The following GSDME variants were observed in gnomAD, a reference collection of about 807,000 sequenced individuals.
GSDME encodes gasdermin-E.
In GSDME, 44 loss-of-function variants were observed where a neutral mutation model predicts 47.5. The ratio of observed to expected loss-of-function variants is 0.93; its 90% CI spans 0.73 to 1.19. The LOEUF is 1.19. Among genes scored for constraint, GSDME ranks in the 50% most tolerant of loss-of-function variants. The pLI, the probability that GSDME is intolerant of heterozygous loss-of-function variation, is 0.00. For synonymous variants in GSDME, 258 were observed against 252.8 expected (o/e 1.02, Z -0.20); for missense variants, 663 against 604.2 (o/e 1.10, Z -1.02).
the GSDME span, among the ~76,000 whole-genome samples, chr7:24,778,951 T>C: frequency 6.6e-6 from 1 of 152,172 alleles, no homozygotes; most frequent in African/African-American, 2.4e-5. This position sits in a 1 kb window ranked among gnomAD's most constrained non-coding sequence, Gnocchi z 5.6. Flanking sequence ...CTCAAACACC[T>C]GCCATACCCC....
intron 3 of GSDME, among the ~76,000 whole-genome samples, chr7:24,722,799 G>A (rs1367069293): frequency 1.3e-5 from 2 of 152,208 alleles, no homozygotes; most frequent in Non-Finnish European, 2.9e-5. Flanking sequence ...AAAAGAGAGG[G>A]GCAGCCATCT....
chr7:24,726,952 G>C lies in GSDME; in HGVS notation c.405-7734C>G, dbSNP rs1789990215. Among the ~76,000 whole-genome samples, 1 of 152,132 alleles carries C rather than the reference G, an allele frequency of 6.6e-6. No homozygotes were observed. Among genetic ancestry groups the C allele is most frequent in the South Asian group, 2.1e-4 (1 of 4,822 alleles). The stretch of plus-strand genomic sequence containing the variant: ...CTGCTGTGGAGAAATTATAAAACTA[G>C]AAGGGACCCAAGGGGATTATCTAGC... On this transcript the variant is annotated intron_variant, in intron 3 of 9. Transcript: ENST00000645220. This position sits in a 1 kb window ranked among gnomAD's most constrained non-coding sequence, Gnocchi z 5.6.
At chr7:24,781,469 C>T in the GSDME span, among the ~76,000 whole-genome samples, 1 of 151,794 alleles carries the variant, frequency 6.6e-6, no homozygotes, top group Non-Finnish European at 1.5e-5. Flanking sequence ...ACCTCATTCT[C>T]CACTAGGCAC....
chr7:24,737,208 A>C (rs755301167), intron 3 of GSDME, among the ~76,000 whole-genome samples: 5 of 152,064 alleles, frequency 3.3e-5, no homozygotes, highest in Non-Finnish European at 5.9e-5. Flanking sequence ...TTAATGAAAC[A>C]AAAGTTTGTT....
intron 2 of GSDME, among the ~76,000 whole-genome samples, chr7:24,746,355 AT>A (rs1365801324): frequency 2.0e-5 from 3 of 152,202 alleles, no homozygotes. Flanking sequence ...AACCGGGAGA[AT>A]TTGGGTAACA....
At chr7:24,703,194 G>T (rs1332074948) in intron 8 of GSDME, 2 of 350,032 alleles carry the variant, frequency 5.7e-6, no homozygotes, top group Non-Finnish European at 1.1e-5. Context: ...CACACATTCA[G>T]GCTGCAGCCT....
chr7:24,758,527 G>A (rs2128069960), upstream of GSDME, among the ~76,000 whole-genome samples: 1 of 152,340 alleles, frequency 6.6e-6, no homozygotes, highest in East Asian at 1.9e-4. The surrounding 1 kb of genome is among the most constrained non-coding windows in gnomAD (Gnocchi z 4.6). Flanking sequence ...TGAGAGCAAA[G>A]AGTAAGAGAA....
intron 2 of GSDME, among the ~76,000 whole-genome samples, chr7:24,746,098 A>G (rs1790658685): frequency 6.6e-6 from 1 of 152,202 alleles, no homozygotes; most frequent in Non-Finnish European, 1.5e-5. Flanking sequence ...ACTGCAATCA[A>G]GAAAACCCAC....
chr7:24,707,459 T>G (rs1383358011), intron 7 of GSDME: 2 of 471,354 alleles, frequency 4.2e-6, no homozygotes. Context: ...GCCTATTTAT[T>G]TCTCTGTTCT....
chr7:24,709,057 A>C (rs371532365), intron 6 of GSDME, among the ~76,000 whole-genome samples: 2 of 152,248 alleles, frequency 1.3e-5, no homozygotes, highest in African/African-American at 2.4e-5. Context: ...GACGATTCCA[A>C]CTAGCAGTTG....
rs1789303924 is a variant in GSDME, at chr7:24,710,361, C to T, written c.725G>A (p.Gly242Asp). 1 of 1,614,108 alleles carries T rather than the reference C, an allele frequency of 6.2e-7. No homozygotes were observed. The highest frequency in any genetic ancestry group is 8.5e-7 in the Non-Finnish European group (1 of 1,180,052). The change falls in exon 6 of 10, where the codon GGT becomes GAT. Residue 242 changes from glycine to aspartate, a missense_variant. Physicochemically the swap from Gly to Asp is moderately conservative, Grantham distance 94. Transcript: ENST00000645220. Reference sequence around the variant, plus strand: ...AATTCTCTTCTTGTTCTCGAAGCCACCTTGCTTCCCTCGGAGAAGGCAGAA... The same window carrying T: ...AATTCTCTTCTTGTTCTCGAAGCCATCTTGCTTCCCTCGGAGAAGGCAGAA... ...FEFCLLRGKQGGFENKKRIDS... is the reference protein window; with the variant it reads ...FEFCLLRGKQDGFENKKRIDS...
At chr7:24,748,168 A>ATATATATAT (rs1483888057) in intron 2 of GSDME, among the ~76,000 whole-genome samples, 6 of 117,498 alleles carry the variant, frequency 5.1e-5, no homozygotes, top group Admixed American at 2.8e-4. Flanking sequence ...ATATATATAT[A>ATATATATAT]TTTTTTTTTG....
chr7:24,787,905 C>A, the GSDME span, among the ~76,000 whole-genome samples: 1 of 152,138 alleles, frequency 6.6e-6, no homozygotes, highest in African/African-American at 2.4e-5. This position sits in a 1 kb window ranked among gnomAD's most constrained non-coding sequence, Gnocchi z 5.0. Flanking sequence ...CGGGGTTTCA[C>A]CATGTTAGCC....
At chr7:24,731,221 A>G (rs1440633350) in intron 3 of GSDME, among the ~76,000 whole-genome samples, 1 of 152,176 alleles carries the variant, frequency 6.6e-6, no homozygotes, top group Non-Finnish European at 1.5e-5. Flanking sequence ...GGCTCCATAC[A>G]CCTTTACTTA....
At chr7:24,795,427 A>T in the GSDME span, among the ~76,000 whole-genome samples, 1 of 152,178 alleles carries the variant, frequency 6.6e-6, no homozygotes, top group African/African-American at 2.4e-5. Flanking sequence ...TGCCAGGAGC[A>T]TCGGCAGACT....
intron 7 of GSDME, chr7:24,707,453 A>G (rs1429007193): frequency 4.2e-6 from 2 of 471,242 alleles, no homozygotes; most frequent in East Asian, 6.9e-5. Flanking sequence ...GCAAAAGCCT[A>G]TTTATTTCTC....
rs1422996536 is a variant in GSDME, at chr7:24,715,465, A to G, written c.697+1789T>C. 4 of 471,054 alleles carry G rather than the reference A, an allele frequency of 8.5e-6. No individual in the cohort carries two copies. In the Admixed American group the frequency reaches 9.4e-5, roughly 11 times the overall value. The allele number at this position is 471,054 out of a possible 1,614,324, so 29.2% of individuals were successfully genotyped here. On this transcript the variant is annotated intron_variant, in intron 5 of 9. Coordinates refer to ENST00000645220, the MANE Select transcript of GSDME (RefSeq NM_001127453.2). ...GAATCATCACTTGTACATCTTGAAC[A>G]TACAGTTTCTGTGTGTCAATCATAC...
the GSDME span, among the ~76,000 whole-genome samples, chr7:24,765,959 C>A: frequency 6.6e-6 from 1 of 152,062 alleles, no homozygotes; most frequent in Non-Finnish European, 1.5e-5. Context: ...GAGTTCCATG[C>A]CCTAACTTTT....
intron 9 of GSDME, 96 bp from the exon 10 acceptor site, chr7:24,699,355 CTT>C: frequency 5.5e-6 from 5 of 902,734 alleles, no homozygotes; most frequent in Non-Finnish European, 9.0e-6. Context: ...GGGGAAAAAA[CTT>C]TTTGAGATGG....
Sources: gnomAD v4.1 joint callset for allele counts (sites outside exome capture counted in the v4.1 genomes callset) on GRCh38, gnomAD v4.1.1 for gene constraint, Gnocchi (gnomAD v3.1) non-coding constraint, MANE v1.5 for transcripts, NCBI Gene and HGNC (gene_info 2026-07-23, HGNC 2026-07-21) for gene names.